The following CAMK1D variants were observed in gnomAD, a reference collection of about 807,000 sequenced individuals.
CAMK1D encodes calcium/calmodulin-dependent protein kinase type 1D.
Under a neutral mutation model 47.7 loss-of-function variants are expected in CAMK1D, and 9 were observed. That is an observed-to-expected ratio of 0.19 (90% CI 0.11 to 0.33). CAMK1D has a LOEUF of 0.33. Among genes scored for constraint, CAMK1D ranks in the 10% least tolerant of loss-of-function variants. CAMK1D has a pLI of 1.00. For synonymous variants in CAMK1D, 184 were observed against 184.9 expected, an observed-to-expected ratio of 0.99 and a Z score of 0.04; for missense variants, 291 against 488.7, an observed-to-expected ratio of 0.60 and a Z score of 3.81.
chr10:12,773,237 CCATT>C (rs1214842014), intron 5 of CAMK1D, among the ~76,000 whole-genome samples: 1 of 152,230 alleles, frequency 6.6e-6, no homozygotes, highest in African/African-American at 2.4e-5. Context: ...TCTTCCCCTT[CCATT>C]CACTCAGCAT....
chr10:12,762,971 T>C (rs1016283928), intron 4 of CAMK1D, among the ~76,000 whole-genome samples: 9 of 152,166 alleles, frequency 5.9e-5, no homozygotes, highest in Admixed American at 2.6e-4. Context: ...TCTGTACTTA[T>C]TAGAAAAATA....
rs78538525 is a variant in CAMK1D, at chr10:12,808,113, G to A, written c.642-6082G>A. On this transcript the variant is annotated intron_variant, in intron 6 of 10. Coordinates refer to ENST00000619168, the MANE Select transcript of CAMK1D (RefSeq NM_153498.4). ...TATTCCTGGGCAGCCACTCCTGCCG[G>A]CAGCCCACCTGTTTCTCCCGTAAAA... Among the ~76,000 whole-genome samples, 695 of 152,276 alleles carry A rather than the reference G, an allele frequency of 4.6e-3. 20 individuals are homozygous for A. In the East Asian group the frequency reaches 0.08, roughly 17 times the overall value.
chr10:12,753,527 C>T (rs1472274938), intron 3 of CAMK1D, among the ~76,000 whole-genome samples: 3 of 152,196 alleles, frequency 2.0e-5, no homozygotes, highest in African/African-American at 7.2e-5. Context: ...AGTCACAATT[C>T]TCAGTTGTGA....
chr10:12,547,682 T>TCTCACACACACA (rs10643491), intron 1 of CAMK1D, among the ~76,000 whole-genome samples: 1 of 116,508 alleles, frequency 8.6e-6, no homozygotes, highest in Non-Finnish European at 1.7e-5. Context: ...TTTCTCTCTC[T>TCTCACACACACA]CACACACACA....
intron 3 of CAMK1D, among the ~76,000 whole-genome samples, chr10:12,741,882 C>T (rs1412241980): frequency 6.6e-6 from 1 of 152,150 alleles, no homozygotes. Context: ...TGGACATTTA[C>T]ATCCTCTCAT....
At chr10:12,713,422 A>G (rs936903622) in intron 3 of CAMK1D, among the ~76,000 whole-genome samples, 12 of 152,122 alleles carry the variant, frequency 7.9e-5, no homozygotes, top group African/African-American at 2.4e-4. Context: ...CTTTGCTCCC[A>G]CGAATTCCAG....
At chr10:12,756,436 C>A (rs1030598708) in intron 3 of CAMK1D, among the ~76,000 whole-genome samples, 4 of 152,126 alleles carry the variant, frequency 2.6e-5, no homozygotes, top group African/African-American at 4.8e-5. Flanking sequence ...GAGTTTTACT[C>A]GGTCCAGCAA....
rs141777743 is a variant in CAMK1D, at chr10:12,824,888, A to G, written c.921+336A>G. Among the ~76,000 whole-genome samples the G allele has an allele frequency of 5.9e-5, 9 of 152,286 alleles. No homozygotes were observed. The East Asian group carries it at 1.7e-3, about 30-fold the overall frequency. On this transcript the variant is annotated intron_variant, in intron 9 of 10. Transcript: ENST00000619168. Reference sequence around the variant, plus strand: ...GGAGGGGGAAAAAACAGGAAATCTGAGTTGTACTCATCAATGTTTCCTGAT... The same window carrying G: ...GGAGGGGGAAAAAACAGGAAATCTGGGTTGTACTCATCAATGTTTCCTGAT...
At chr10:12,631,050 A>T (rs1218280482) in intron 2 of CAMK1D, among the ~76,000 whole-genome samples, 1 of 152,166 alleles carries the variant, frequency 6.6e-6, no homozygotes, top group East Asian at 1.9e-4. Flanking sequence ...CAGTGATTTA[A>T]GTGTTCAGAG....
chr10:12,495,444 C>G (rs1834509547), intron 1 of CAMK1D, among the ~76,000 whole-genome samples: 1 of 152,174 alleles, frequency 6.6e-6, no homozygotes, highest in Non-Finnish European at 1.5e-5. Context: ...TTCCGATGAT[C>G]TAAGACACTT....
intron 3 of CAMK1D, among the ~76,000 whole-genome samples, chr10:12,712,150 G>T (rs1202562944): frequency 6.6e-6 from 1 of 152,174 alleles, no homozygotes; most frequent in African/African-American, 2.4e-5. Context: ...ATGCTTTTAA[G>T]AACTTCACCA....
intron 3 of CAMK1D, among the ~76,000 whole-genome samples, chr10:12,672,992 G>A (rs750645897): frequency 2.0e-5 from 3 of 149,032 alleles, no homozygotes; most frequent in Admixed American, 6.7e-5. Flanking sequence ...CGCCTCCCGG[G>A]TTCAAGCAAT....
chr10:12,367,426 A>G (rs1488363538), intron 1 of CAMK1D, among the ~76,000 whole-genome samples: 2 of 152,218 alleles, frequency 1.3e-5, no homozygotes, highest in East Asian at 3.9e-4. Context: ...TGATTCAAGC[A>G]TATTACATTT....
intron 2 of CAMK1D, 46 bp from the exon 3 acceptor site, chr10:12,666,690 C>T (rs376814080): frequency 4.9e-6 from 7 of 1,443,288 alleles, no homozygotes; most frequent in South Asian, 1.2e-5. Context: ...AAACATTTTC[C>T]TATCTAATCA....
intron 6 of CAMK1D, among the ~76,000 whole-genome samples, chr10:12,799,239 G>C (rs1313964849): frequency 2.6e-5 from 4 of 152,110 alleles, no homozygotes; most frequent in Non-Finnish European, 5.9e-5. Context: ...CCAAGGGCTT[G>C]TTTTCTAGTC....
intron 3 of CAMK1D, among the ~76,000 whole-genome samples, chr10:12,668,487 C>G (rs192040659): frequency 1.3e-5 from 2 of 152,254 alleles, no homozygotes; most frequent in Non-Finnish European, 1.5e-5. Context: ...GCCAGGGGAA[C>G]TAGGGCAAAT....
At chr10:12,766,439 A>C (rs1478207113) in intron 4 of CAMK1D, among the ~76,000 whole-genome samples, 2 of 146,472 alleles carry the variant, frequency 1.4e-5, no homozygotes, top group Admixed American at 1.4e-4. Flanking sequence ...CGTGGCTGAC[A>C]AAGAAAAGGG....
chr10:12,808,718 C>T (rs999361475), intron 6 of CAMK1D, among the ~76,000 whole-genome samples: 4 of 152,066 alleles, frequency 2.6e-5, no homozygotes, highest in South Asian at 4.2e-4. Context: ...GTGGAGGTTT[C>T]GGTGAGCCAA....
intron 1 of CAMK1D, among the ~76,000 whole-genome samples, chr10:12,418,193 A>G (rs920483794): frequency 6.6e-6 from 1 of 152,220 alleles, no homozygotes; most frequent in Non-Finnish European, 1.5e-5. Flanking sequence ...AGAATGAATT[A>G]CTTGGTAGGC....
Sources: gnomAD v4.1 joint callset for allele counts (sites outside exome capture counted in the v4.1 genomes callset) on GRCh38, gnomAD v4.1.1 for gene constraint, MANE v1.5 for transcripts, NCBI Gene and HGNC (gene_info 2026-07-23, HGNC 2026-07-21) for gene names.